Variants in ARHGEF10L observed in about 807,000 individuals in gnomAD.
ARHGEF10L encodes the protein Rho guanine nucleotide exchange factor 10 like.
A neutral mutation model predicts 141.2 loss-of-function variants in ARHGEF10L; 69 were observed. That is an observed-to-expected ratio of 0.49 (90% CI 0.40 to 0.60). The LOEUF (loss-of-function observed/expected upper bound fraction) is 0.60. Among genes scored for constraint, ARHGEF10L ranks in the 20% least tolerant of loss-of-function variants. ARHGEF10L has a pLI of 0.00. For missense variants in ARHGEF10L, 1,482 were observed against 1,734.3 expected (o/e 0.85, Z 2.58); for synonymous variants, 711 against 718.5 (o/e 0.99, Z 0.17).
At chr1:17,585,254 G>C (rs780560394) in intron 2 of ARHGEF10L, among the ~76,000 whole-genome samples, 1 of 152,204 alleles carries the variant, frequency 6.6e-6, no homozygotes, top group Admixed American at 6.5e-5. Flanking sequence ...TGAGGGCTTA[G>C]TAGAAGAGTA....
At chr1:17,637,204 G>A (rs1208191726) in intron 18 of ARHGEF10L, among the ~76,000 whole-genome samples, 2 of 152,196 alleles carry the variant, frequency 1.3e-5, no homozygotes, top group Non-Finnish European at 2.9e-5. Flanking sequence ...GCACACGATA[G>A]GTCCTCAGGA....
intron 2 of ARHGEF10L, among the ~76,000 whole-genome samples, chr1:17,586,551 G>A (rs2079040321): frequency 6.6e-6 from 1 of 152,226 alleles, no homozygotes; most frequent in Non-Finnish European, 1.5e-5. Flanking sequence ...GAACCTCCAT[G>A]TGGTGAAATG....
At chr1:17,524,809 C>G in the ARHGEF10L span, among the ~76,000 whole-genome samples, 6 of 152,190 alleles carry the variant, frequency 3.9e-5, no homozygotes, top group African/African-American at 1.4e-4. Context: ...CCAGGGTACT[C>G]AGGCGAGAAG....
intron 4 of ARHGEF10L, among the ~76,000 whole-genome samples, chr1:17,600,550 T>C (rs1056798994): frequency 2.6e-5 from 4 of 152,200 alleles, no homozygotes; most frequent in Non-Finnish European, 5.9e-5. Context: ...CTTGGCACAG[T>C]TGTCAAAGCT....
At position 17,654,561 on chromosome 1, in the gene ARHGEF10L, C is replaced by T. The variant is rs1397711853; in HGVS notation, c.2395-75C>T. On this transcript the variant is annotated intron_variant, in intron 22 of 28. Coordinates refer to ENST00000361221, the MANE Select transcript of ARHGEF10L (RefSeq NM_018125.4). This position sits in a 1 kb window ranked among gnomAD's most constrained non-coding sequence, Gnocchi z 4.3. ...CTAATCCAGGGAGAGTTGGATGGGG[C>T]CCAGGAATCTGCCAAATATTGGCAT... 3.8e-6 allele frequency: 5 copies of T among 1,323,236 alleles called. No individual in the cohort carries two copies. The highest frequency in any genetic ancestry group is 2.9e-5 in the African/African-American group (2 of 68,994). 82.0% of individuals were successfully genotyped at this position (1,323,236 alleles called of 1,614,324 possible).
intron 1 of ARHGEF10L, among the ~76,000 whole-genome samples, chr1:17,570,479 A>T (rs11590881): frequency 1.0e-3 from 154 of 150,918 alleles, no homozygotes; most frequent in African/African-American, 3.5e-3. Flanking sequence ...GCATTCAGGG[A>T]GCTGGAAGGT....
At chr1:17,584,771 T>C (rs2078883677) in intron 2 of ARHGEF10L, among the ~76,000 whole-genome samples, 2 of 152,254 alleles carry the variant, frequency 1.3e-5, no homozygotes, top group African/African-American at 4.8e-5. Context: ...CTGGCACATT[T>C]GTGGTACAGG....
chr1:17,583,383 G>A (rs2078752865), intron 2 of ARHGEF10L, among the ~76,000 whole-genome samples: 1 of 152,018 alleles, frequency 6.6e-6, no homozygotes, highest in Admixed American at 6.6e-5. Context: ...GATAATGGTG[G>A]TAATAATACG....
intron 26 of ARHGEF10L, among the ~76,000 whole-genome samples, chr1:17,668,426 A>C (rs901929363): frequency 1.3e-5 from 2 of 152,236 alleles, no homozygotes; most frequent in African/African-American, 4.8e-5. Flanking sequence ...GCCCCTTGCC[A>C]GCCGTAGTGC....
chr1:17,653,920 A>AG, intron 22 of ARHGEF10L, among the ~76,000 whole-genome samples: 1 of 152,352 alleles, frequency 6.6e-6, no homozygotes, highest in East Asian at 1.9e-4. Context: ...CAATGGGTCC[A>AG]GGGACGGCTG....
At chr1:17,631,352 G>A (rs943695856) in intron 15 of ARHGEF10L, among the ~76,000 whole-genome samples, 1 of 152,182 alleles carries the variant, frequency 6.6e-6, no homozygotes, top group South Asian at 2.1e-4. Context: ...AGCAGGGGGG[G>A]TCTTGACATC....
chr1:17,672,657 A>G (rs2063397331), intron 26 of ARHGEF10L, among the ~76,000 whole-genome samples: 1 of 152,058 alleles, frequency 6.6e-6, no homozygotes, highest in Admixed American at 6.5e-5. Context: ...TGAGAAATGG[A>G]TTTTCTAAAG....
In ARHGEF10L at chr1:17,607,504, T is replaced by C. The variant is rs767634464; in HGVS notation, c.434-298T>C. On this transcript the variant is annotated intron_variant, in intron 6 of 28. Transcript: ENST00000361221. This position sits in a 1 kb window ranked among gnomAD's most constrained non-coding sequence, Gnocchi z 4.5. The stretch of plus-strand genomic sequence containing the variant: ...ACAAAATTGCCAAGGAGGCTCACAA[T>C]GAGCGCTGAGACCATACAAAAGCAG... Among the ~76,000 whole-genome samples the C allele has an allele frequency of 2.6e-5, 4 of 152,146 alleles. No individual in the cohort carries two copies. The highest frequency in any genetic ancestry group is 5.9e-5 in the Non-Finnish European group (4 of 68,028).
At chr1:17,649,957 G>A (rs954931975) in intron 22 of ARHGEF10L, among the ~76,000 whole-genome samples, 1 of 152,212 alleles carries the variant, frequency 6.6e-6, no homozygotes, top group African/African-American at 2.4e-5. Context: ...GCTGGACCAC[G>A]CCAGCCTTGC....
chr1:17,657,638 T>A (rs1055468650), intron 25 of ARHGEF10L, among the ~76,000 whole-genome samples: 1 of 152,118 alleles, frequency 6.6e-6, no homozygotes, highest in Admixed American at 6.6e-5. Context: ...CACTTGGCAC[T>A]GTGTTGGTAT....
rs1262741815 is a variant in ARHGEF10L, at chr1:17,627,533, C to G, written c.1584+30C>G. On this transcript the variant is annotated intron_variant, in intron 15 of 28. Transcript: ENST00000361221. This position sits in a 1 kb window ranked among gnomAD's most constrained non-coding sequence, Gnocchi z 4.0. ...GCTGGGCCTCCCACCTGCCTGCCCTCACCTGCCTGCCCTCACCTGTGCTCC... is the reference window on the plus strand; with the variant it reads ...GCTGGGCCTCCCACCTGCCTGCCCTGACCTGCCTGCCCTCACCTGTGCTCC... 6.2e-7 allele frequency: 1 copy of G among 1,604,606 alleles called. No homozygotes were observed. Among genetic ancestry groups the G allele is most frequent in the Admixed American group, 1.7e-5 (1 of 59,242 alleles).
At chr1:17,622,215 G>A (rs1447880634) in intron 11 of ARHGEF10L, among the ~76,000 whole-genome samples, 1 of 152,142 alleles carries the variant, frequency 6.6e-6, no homozygotes, top group Non-Finnish European at 1.5e-5. Flanking sequence ...TTTATGACTG[G>A]AAGGCACTGT....
chr1:17,610,042 C>G (rs115887562), intron 7 of ARHGEF10L, among the ~76,000 whole-genome samples: 1 of 152,174 alleles, frequency 6.6e-6, no homozygotes, highest in Non-Finnish European at 1.5e-5. Flanking sequence ...ATGTTGTCCC[C>G]GGCCCTCTTG....
chr1:17,516,245 A>G, the ARHGEF10L span, among the ~76,000 whole-genome samples: 1 of 152,202 alleles, frequency 6.6e-6, no homozygotes, highest in Non-Finnish European at 1.5e-5. Flanking sequence ...AGTTTGGGGG[A>G]AAAAAAGTGG....
Sources: allele counts gnomAD v4.1 joint callset (sites outside exome capture counted in the v4.1 genomes callset), GRCh38; gene constraint gnomAD v4.1.1; non-coding constraint Gnocchi (gnomAD v3.1); transcripts MANE v1.5; gene names NCBI Gene and HGNC (gene_info 2026-07-23, HGNC 2026-07-21).